The following LHFPL3 variants were observed in gnomAD, a reference collection of about 807,000 sequenced individuals.
The protein encoded by LHFPL3 is LHFPL tetraspan subfamily member 3, also known as LHFPL tetraspan subfamily member 3 protein.
A neutral mutation model predicts 19.3 loss-of-function variants in LHFPL3; 5 were observed. The observed-to-expected ratio is 0.26, with a 90% CI of 0.14 to 0.54. The LOEUF (loss-of-function observed/expected upper bound fraction) is 0.54, where lower values mean the gene tolerates loss of function less well. Ranked by LOEUF, LHFPL3 falls within the 20% of genes least tolerant of loss-of-function variation. The pLI, the probability that LHFPL3 is intolerant of heterozygous loss-of-function variation, is 0.94. For missense variants in LHFPL3, 249 were observed against 307.4 expected (o/e 0.81, Z 1.42); for synonymous variants, 133 against 126.2 (o/e 1.05, Z -0.36).
chr7:104,887,101 G>C (rs1377285787), intron 2 of LHFPL3, among the ~76,000 whole-genome samples: 1 of 152,226 alleles, frequency 6.6e-6, no homozygotes, highest in Non-Finnish European at 1.5e-5. Flanking sequence ...TATACTGGCA[G>C]CCATTCCCCT....
intron 1 of LHFPL3, among the ~76,000 whole-genome samples, chr7:104,524,216 A>G (rs1794137340): frequency 6.6e-6 from 1 of 152,186 alleles, no homozygotes. Flanking sequence ...GCCAAGACGC[A>G]GGATTGATGG....
At chr7:104,724,673 G>A (rs1422698073) in intron 1 of LHFPL3, among the ~76,000 whole-genome samples, 1 of 152,066 alleles carries the variant, frequency 6.6e-6, no homozygotes, top group Non-Finnish European at 1.5e-5. Context: ...CTTAATACCT[G>A]GGTTATGAAA....
intron 2 of LHFPL3, among the ~76,000 whole-genome samples, chr7:104,806,730 C>G (rs1000032516): frequency 2.0e-5 from 3 of 152,094 alleles, no homozygotes; most frequent in Non-Finnish European, 4.4e-5. Context: ...CAGTTGTGAA[C>G]AAAATATTTC....
intron 1 of LHFPL3, among the ~76,000 whole-genome samples, chr7:104,542,017 T>C (rs949195244): frequency 6.6e-6 from 1 of 151,854 alleles, no homozygotes; most frequent in African/African-American, 2.4e-5. Context: ...GAGGAGGGTA[T>C]TTGAAGCAAG....
intron 1 of LHFPL3, among the ~76,000 whole-genome samples, chr7:104,464,805 G>C (rs1158665261): frequency 6.6e-6 from 1 of 152,174 alleles, no homozygotes; most frequent in Non-Finnish European, 1.5e-5. Flanking sequence ...GATGAGAGGG[G>C]CTGCTGTGAA....
chr7:104,378,774 C>T (rs765206574), intron 1 of LHFPL3, among the ~76,000 whole-genome samples: 2 of 152,122 alleles, frequency 1.3e-5, no homozygotes, highest in Non-Finnish European at 2.9e-5. Context: ...TTTTAATGTA[C>T]TTACTGGCCA....
At chr7:104,830,738 TTG>T (rs1393664140) in intron 2 of LHFPL3, among the ~76,000 whole-genome samples, 5 of 151,896 alleles carry the variant, frequency 3.3e-5, no homozygotes, top group Non-Finnish European at 7.3e-5. Context: ...TACTGTAGCC[TTG>T]TAGTATAGTT....
In LHFPL3 at chr7:104,836,058, G is replaced by A. The variant is rs142328247; in HGVS notation, c.683-70129G>A. On this transcript the variant is annotated intron_variant, in intron 2 of 2. Transcript: ENST00000424859. ...ACCAAGTAGCTACCCTTGGTTGTAT[G>A]TTCAGGGAAGGCCTCCGAGGATCTG... Among the ~76,000 whole-genome samples, 612 of 151,204 alleles carry A rather than the reference G, an allele frequency of 4.0e-3. 13 individuals carry two copies. Among genetic ancestry groups the A allele is most frequent in the African/African-American group, 0.014 (585 of 40,496 alleles).
At chr7:104,599,435 C>A (rs1239291055) in intron 1 of LHFPL3, among the ~76,000 whole-genome samples, 1 of 152,132 alleles carries the variant, frequency 6.6e-6, no homozygotes, top group Non-Finnish European at 1.5e-5. Flanking sequence ...TAGAACAAAA[C>A]AGTGATGTCA....
intron 1 of LHFPL3, among the ~76,000 whole-genome samples, chr7:104,644,618 C>A (rs1342978417): frequency 6.6e-6 from 1 of 152,122 alleles, no homozygotes; most frequent in Non-Finnish European, 1.5e-5. Context: ...TAGAAGGACT[C>A]GTTGATATTC....
chr7:104,352,213 T>C (rs760455902), intron 1 of LHFPL3, among the ~76,000 whole-genome samples: 2 of 151,606 alleles, frequency 1.3e-5, no homozygotes, highest in African/African-American at 4.8e-5. Context: ...CTTCTGTAAA[T>C]TGCAAAAAGA....
At chr7:104,350,672 C>T (rs1202555658) in intron 1 of LHFPL3, among the ~76,000 whole-genome samples, 1 of 152,188 alleles carries the variant, frequency 6.6e-6, no homozygotes, top group African/African-American at 2.4e-5. Context: ...CAGACACAAA[C>T]AAGTAATTAA....
chr7:104,509,691 A>G (rs1270722210), intron 1 of LHFPL3, among the ~76,000 whole-genome samples: 3 of 152,028 alleles, frequency 2.0e-5, no homozygotes, highest in South Asian at 2.1e-4. Context: ...AAGGATGTCT[A>G]CTCTCACCAC....
At position 104,906,555 on chromosome 7, in the gene LHFPL3, G is replaced by T; in HGVS notation, c.*340G>T. ...TAGAGTTAACATGTAAAATATATACGTACTGAGGTTTGTAAACTGTCCTTT... is the reference window on the plus strand; with the variant it reads ...TAGAGTTAACATGTAAAATATATACTTACTGAGGTTTGTAAACTGTCCTTT... On this transcript the variant is annotated 3_prime_UTR_variant, in exon 3 of 3. Transcript: ENST00000424859. 1 of 269,306 alleles carries T rather than the reference G, an allele frequency of 3.7e-6. No individual in the cohort carries two copies. The highest frequency in any genetic ancestry group is 5.2e-5 in the Admixed American group (1 of 19,152). The allele number at this position is 269,306 out of a possible 1,614,324, so 16.7% of individuals were successfully genotyped here.
intron 1 of LHFPL3, among the ~76,000 whole-genome samples, chr7:104,511,944 CTTTTTTTTTTTT>C (rs58712044): frequency 8.9e-6 from 1 of 111,976 alleles, no homozygotes; most frequent in Admixed American, 1.0e-4. Context: ...CTTTCCTTTT[CTTTTTTTTTTTT>C]TTTTTTTTGG....
chr7:104,676,555 T>C (rs1792596072), intron 1 of LHFPL3, among the ~76,000 whole-genome samples: 1 of 152,214 alleles, frequency 6.6e-6, no homozygotes. Flanking sequence ...TTTTGGTAGA[T>C]AATATTTTAT....
chr7:104,753,614 C>T (rs1794219189), intron 2 of LHFPL3, among the ~76,000 whole-genome samples: 1 of 151,006 alleles, frequency 6.6e-6, no homozygotes, highest in South Asian at 2.1e-4. Flanking sequence ...ACAGCAAACA[C>T]AAAGACCAGA....
chr7:104,601,841 C>T (rs1344639662), intron 1 of LHFPL3, among the ~76,000 whole-genome samples: 1 of 152,082 alleles, frequency 6.6e-6, no homozygotes, highest in Admixed American at 6.6e-5. Flanking sequence ...ACAGCCTATC[C>T]TATGCTTTGT....
At chr7:104,331,792 A>G (rs1801571698) in intron 1 of LHFPL3, among the ~76,000 whole-genome samples, 1 of 152,064 alleles carries the variant, frequency 6.6e-6, no homozygotes, top group Non-Finnish European at 1.5e-5. Context: ...TCTACTAAAA[A>G]TACAAAAATT....
Sources: allele counts gnomAD v4.1 joint callset (sites outside exome capture counted in the v4.1 genomes callset), GRCh38; gene constraint gnomAD v4.1.1; transcripts MANE v1.5; gene names NCBI Gene and HGNC (gene_info 2026-07-23, HGNC 2026-07-21).